GALNT13: variants seen among roughly 807,000 people sequenced by gnomAD.
GALNT13 encodes polypeptide N-acetylgalactosaminyltransferase 13.
A neutral mutation model predicts 64.2 loss-of-function variants in GALNT13; 28 were observed. The ratio of observed to expected loss-of-function variants is 0.44; its 90% CI spans 0.32 to 0.60. GALNT13 has a LOEUF of 0.60. Among genes scored for constraint, GALNT13 ranks in the 20% least tolerant of loss-of-function variants. GALNT13 has a pLI of 0.05. For synonymous variants in GALNT13, 214 were observed against 224.6 expected, an observed-to-expected ratio of 0.95 and a Z score of 0.42; for missense variants, 577 against 669.8, an observed-to-expected ratio of 0.86 and a Z score of 1.53.
chr2:153,382,204 G>GT, the GALNT13 span, among the ~76,000 whole-genome samples: 3 of 151,856 alleles, frequency 2.0e-5, no homozygotes, highest in South Asian at 2.1e-4. Flanking sequence ...GACCTTTTTT[G>GT]TTTTTTTAAT....
At chr2:153,970,996 C>A (rs1414083649) in intron 3 of GALNT13, among the ~76,000 whole-genome samples, 2 of 152,186 alleles carry the variant, frequency 1.3e-5, no homozygotes, top group Non-Finnish European at 2.9e-5. Flanking sequence ...GTGCCTTGAG[C>A]ACTGGAGTCA....
chr2:154,263,853 A>T (rs1257556918), intron 8 of GALNT13, among the ~76,000 whole-genome samples: 1 of 152,220 alleles, frequency 6.6e-6, no homozygotes, highest in Non-Finnish European at 1.5e-5. Flanking sequence ...TGAATAAATT[A>T]AAAAATGGAC....
At chr2:153,490,430 G>C in the GALNT13 span, among the ~76,000 whole-genome samples, 1 of 152,002 alleles carries the variant, frequency 6.6e-6, no homozygotes, top group Non-Finnish European at 1.5e-5. Context: ...ACCCAGGCTA[G>C]AGTGCAGTGG....
chr2:153,139,639 G>T, the GALNT13 span, among the ~76,000 whole-genome samples: 1 of 151,940 alleles, frequency 6.6e-6, no homozygotes, highest in African/African-American at 2.4e-5. Flanking sequence ...CAAAAGCAAA[G>T]GCATATTAGG....
At chr2:153,747,425 T>G in the GALNT13 span, among the ~76,000 whole-genome samples, 1 of 112,616 alleles carries the variant, frequency 8.9e-6, no homozygotes, top group Non-Finnish European at 1.8e-5. Flanking sequence ...GCCTTTGGTT[T>G]TTTTTTTTTT....
chr2:153,274,224 A>G, the GALNT13 span, among the ~76,000 whole-genome samples: 1 of 152,178 alleles, frequency 6.6e-6, no homozygotes, highest in Non-Finnish European at 1.5e-5. Context: ...AAAAATTTAT[A>G]GCTTTCCATC....
chr2:153,458,133 C>T, the GALNT13 span, among the ~76,000 whole-genome samples: 1 of 152,108 alleles, frequency 6.6e-6, no homozygotes, highest in African/African-American at 2.4e-5. Context: ...CTTTATTCTC[C>T]ATGGAGGGAA....
chr2:153,314,330 C>T, the GALNT13 span, among the ~76,000 whole-genome samples: 1 of 151,852 alleles, frequency 6.6e-6, no homozygotes, highest in Non-Finnish European at 1.5e-5. Flanking sequence ...ATTGAGAGTT[C>T]TAGAAGAAGA....
At chr2:153,259,104 T>C in the GALNT13 span, among the ~76,000 whole-genome samples, 1 of 152,198 alleles carries the variant, frequency 6.6e-6, no homozygotes. Flanking sequence ...TATCTGAGGC[T>C]CCAGTGTTGG....
chr2:153,106,629 C>T, the GALNT13 span, among the ~76,000 whole-genome samples: 1 of 152,162 alleles, frequency 6.6e-6, no homozygotes, highest in Non-Finnish European at 1.5e-5. Context: ...TGTTTTCTAG[C>T]TGGTGTCAGT....
upstream of GALNT13, among the ~76,000 whole-genome samples, chr2:153,871,748 G>C (rs1189474222): frequency 6.6e-6 from 1 of 152,180 alleles, no homozygotes; most frequent in Non-Finnish European, 1.5e-5. Flanking sequence ...GCCCCAGCCC[G>C]GGGAGGAGCG....
At chr2:153,479,245 C>T in the GALNT13 span, among the ~76,000 whole-genome samples, 1 of 152,188 alleles carries the variant, frequency 6.6e-6, no homozygotes, top group African/African-American at 2.4e-5. Flanking sequence ...CTGTGCTTGA[C>T]TCCGACTCGC....
At chr2:154,438,182 A>G (rs567567964) in intron 11 of GALNT13, among the ~76,000 whole-genome samples, 64 of 151,930 alleles carry the variant, frequency 4.2e-4, no homozygotes, top group African/African-American at 1.5e-3. Context: ...TTAAACTTCT[A>G]TATGAAAAAA....
chr2:153,650,528 G>C, the GALNT13 span, among the ~76,000 whole-genome samples: 19 of 152,242 alleles, frequency 1.2e-4, no homozygotes, highest in Non-Finnish European at 2.5e-4. Context: ...TGGTTATTTT[G>C]CTCTTTAGTT....
the GALNT13 span, among the ~76,000 whole-genome samples, chr2:153,274,037 A>T: frequency 6.6e-6 from 1 of 152,056 alleles, no homozygotes. Context: ...TTGTTCAAAT[A>T]ATTTATAGCT....
At chr2:153,965,206 C>G (rs1693246557) in intron 3 of GALNT13, among the ~76,000 whole-genome samples, 1 of 152,110 alleles carries the variant, frequency 6.6e-6, no homozygotes, top group Non-Finnish European at 1.5e-5. Context: ...TTAGGACCAT[C>G]CCAATTCCTC....
chr2:154,439,994 A>C (rs900420890), intron 12 of GALNT13, among the ~76,000 whole-genome samples: 1 of 152,178 alleles, frequency 6.6e-6, no homozygotes, highest in Non-Finnish European at 1.5e-5. Context: ...CTTGATATTA[A>C]GCCTACAGAA....
chr2:153,689,925 T>C, the GALNT13 span, among the ~76,000 whole-genome samples: 1 of 152,064 alleles, frequency 6.6e-6, no homozygotes, highest in African/African-American at 2.4e-5. Context: ...TTATTCCCTC[T>C]CTCTTTTGTT....
At chr2:153,564,594 G>GA in the GALNT13 span, among the ~76,000 whole-genome samples, 1 of 142,128 alleles carries the variant, frequency 7.0e-6, no homozygotes. Flanking sequence ...ATGAGGATTA[G>GA]TTTTTTTTTT....
Sources: gnomAD v4.1 joint callset for allele counts (sites outside exome capture counted in the v4.1 genomes callset) on GRCh38, gnomAD v4.1.1 for gene constraint, MANE v1.5 for transcripts, NCBI Gene and HGNC (gene_info 2026-07-23, HGNC 2026-07-21) for gene names.